The following TRPM7 variants were observed in gnomAD, a reference collection of about 807,000 sequenced individuals.
The protein encoded by TRPM7 is transient receptor potential cation channel subfamily M member 7, also known as LTRPC ion channel family member 7.
In TRPM7, 134 loss-of-function variants were observed where a neutral mutation model predicts 229.7. The ratio of observed to expected loss-of-function variants is 0.58; its 90% confidence interval spans 0.51 to 0.67. The LOEUF (loss-of-function observed/expected upper bound fraction) is 0.67, where lower values mean the gene tolerates loss of function less well. TRPM7 is among the 30% of genes least tolerant of loss of function. The pLI, the probability that TRPM7 is intolerant of heterozygous loss-of-function variation, is 0.00. For synonymous variants in TRPM7, 699 were observed against 715.2 expected, an observed-to-expected ratio of 0.98 and a Z score of 0.36; for missense variants, 1,901 against 2,210.0, an observed-to-expected ratio of 0.86 and a Z score of 2.80.
At chr15:50,612,120 T>C (rs1235732036) in intron 16 of TRPM7, among the ~76,000 whole-genome samples, 1 of 152,224 alleles carries the variant, frequency 6.6e-6, no homozygotes, top group Non-Finnish European at 1.5e-5. Flanking sequence ...AGACAGGGTC[T>C]ATTGCTGTCA....
intron 1 of TRPM7, among the ~76,000 whole-genome samples, chr15:50,667,188 C>G (rs2061905526): frequency 1.3e-5 from 2 of 152,134 alleles, no homozygotes. Context: ...ATGTCTGGAT[C>G]AGAGAAACAT....
intron 3 of TRPM7, among the ~76,000 whole-genome samples, chr15:50,654,594 T>C (rs899173298): frequency 2.0e-5 from 3 of 151,454 alleles, no homozygotes; most frequent in Non-Finnish European, 4.4e-5. Flanking sequence ...CATACAGGAA[T>C]AGACAGTCAT....
chr15:50,672,857 C>T (rs8032201), intron 1 of TRPM7, among the ~76,000 whole-genome samples: 4,004 of 134,650 alleles, frequency 0.03, 211 homozygotes, highest in African/African-American at 0.11. Flanking sequence ...TTGCAGTGAG[C>T]CACTGCACTC....
intron 1 of TRPM7, 22 bp downstream of exon 1, chr15:50,686,509 C>A (rs780586641): frequency 5.0e-6 from 8 of 1,613,778 alleles, no homozygotes; most frequent in African/African-American, 1.3e-5. Flanking sequence ...ATTCCCCGCC[C>A]GGGCCTGCGT....
chr15:50,614,191 T>A lies in TRPM7; in HGVS notation c.1567A>T (p.Thr523Ser). The change falls in exon 14 of 39, where the codon ACC becomes TCC. Residue 523 changes from threonine (T) to serine (S), a missense_variant. Thr to Ser is a moderately conservative substitution (Grantham distance 58). Transcript: ENST00000646667. Reference protein sequence around the residue: ...GLVIEYLMGGTYRCTYTRKRF... With the variant: ...GLVIEYLMGGSYRCTYTRKRF... Reference sequence around the variant, plus strand: ...TTCCTAGTATAGGTGCATCTGTAGGTTCCTCCCATGAGATATTCAATAACA... The same window carrying A: ...TTCCTAGTATAGGTGCATCTGTAGGATCCTCCCATGAGATATTCAATAACA... 1 of 1,612,988 alleles carries A rather than the reference T, an allele frequency of 6.2e-7. No homozygotes were observed. The highest frequency in any genetic ancestry group is 8.5e-7 in the Non-Finnish European group (1 of 1,179,246).
At chr15:50,621,671 A>G (rs1272361627) in intron 12 of TRPM7, among the ~76,000 whole-genome samples, 1 of 152,218 alleles carries the variant, frequency 6.6e-6, no homozygotes, top group Non-Finnish European at 1.5e-5. Flanking sequence ...TTATAAGGCT[A>G]GACTTTAAAG....
intron 1 of TRPM7, among the ~76,000 whole-genome samples, chr15:50,678,075 T>C (rs1166804618): frequency 2.0e-5 from 3 of 150,568 alleles, no homozygotes; most frequent in Admixed American, 6.6e-5. Context: ...ACGTCTCTAC[T>C]AAAAAAATAC....
intron 1 of TRPM7, among the ~76,000 whole-genome samples, chr15:50,669,673 T>C (rs994346341): frequency 1.7e-4 from 26 of 152,170 alleles, no homozygotes; most frequent in African/African-American, 5.8e-4. Context: ...AACTATGGTA[T>C]ACCTGTCAGT....
intron 1 of TRPM7, among the ~76,000 whole-genome samples, chr15:50,664,119 A>G (rs994249378): frequency 2.6e-5 from 4 of 151,934 alleles, no homozygotes; most frequent in Admixed American, 6.6e-5. Flanking sequence ...CCAACATGGT[A>G]AAACCCCGTC....
intron 36 of TRPM7, 41 bp from the exon 37 acceptor site, chr15:50,570,196 T>C (rs572937051): frequency 5.8e-6 from 8 of 1,389,140 alleles, no homozygotes; most frequent in East Asian, 5.0e-5. Flanking sequence ...ATTTATATTA[T>C]ATAATTGACA....
At chr15:50,570,638 T>A (rs528587657) in intron 36 of TRPM7, among the ~76,000 whole-genome samples, 1 of 144,022 alleles carries the variant, frequency 6.9e-6, no homozygotes, top group Non-Finnish European at 1.5e-5. Flanking sequence ...AGGTCAGGAG[T>A]TCGAGACCAG....
chr15:50,657,216 C>T (rs1446734469), intron 3 of TRPM7, among the ~76,000 whole-genome samples: 8 of 152,014 alleles, frequency 5.3e-5, no homozygotes, highest in African/African-American at 1.9e-4. Flanking sequence ...CCCAGCTACT[C>T]GGGAGGCTGA....
At chr15:50,628,460 C>CCA (rs1424922517) in intron 10 of TRPM7, among the ~76,000 whole-genome samples, 2 of 152,104 alleles carry the variant, frequency 1.3e-5, no homozygotes, top group African/African-American at 2.4e-5. Context: ...ATGAGCACCA[C>CCA]CACACCCAGC....
At chr15:50,578,946 C>G (rs2054269715) in intron 30 of TRPM7, among the ~76,000 whole-genome samples, 2 of 151,822 alleles carry the variant, frequency 1.3e-5, no homozygotes, top group Admixed American at 1.3e-4. Context: ...ATTGAAGGCT[C>G]TATACTAATA....
chr15:50,567,178 T>G (rs2053638100), intron 38 of TRPM7, among the ~76,000 whole-genome samples: 1 of 152,060 alleles, frequency 6.6e-6, no homozygotes, highest in East Asian at 1.9e-4. Context: ...ATTTTTAAAA[T>G]TATTTTTTAT....
chr15:50,600,296 G>T (rs1321749336), intron 21 of TRPM7, among the ~76,000 whole-genome samples: 2 of 152,136 alleles, frequency 1.3e-5, no homozygotes, highest in African/African-American at 4.8e-5. Context: ...ACTTAGCCGG[G>T]CGTGGCGGCA....
At chr15:50,668,514 T>A (rs2061930085) in intron 1 of TRPM7, among the ~76,000 whole-genome samples, 1 of 152,162 alleles carries the variant, frequency 6.6e-6, no homozygotes, top group Non-Finnish European at 1.5e-5. Flanking sequence ...GTTTTTGTTT[T>A]TTGTTTTTTG....
In TRPM7 at chr15:50,613,719, G is replaced by C; in HGVS notation, c.1758C>G (p.Pro586=). 1 of 1,598,516 alleles carries C rather than the reference G, an allele frequency of 6.3e-7. No homozygotes were observed. The part of the protein sequence containing the change: ...RHNHFIKTAQ[P]YRPKIDTVME... ...TAAATAAATTTACCTTTGGTCGGTAGGGCTGTGCTGTCTTAATGAAATGGT... is the reference window on the plus strand; with the variant it reads ...TAAATAAATTTACCTTTGGTCGGTACGGCTGTGCTGTCTTAATGAAATGGT... Residue 586 remains proline, a synonymous_variant, in exon 15 of 39, where the codon CCC becomes CCG. Coordinates refer to ENST00000646667, the MANE Select transcript of TRPM7 (RefSeq NM_017672.6).
At chr15:50,627,404 G>GT (rs768567992) in intron 11 of TRPM7, among the ~76,000 whole-genome samples, 3 of 152,108 alleles carry the variant, frequency 2.0e-5, no homozygotes, top group Non-Finnish European at 2.9e-5. Flanking sequence ...GCCCACGTGG[G>GT]TATGTAGGGA....
Sources: gnomAD v4.1 joint callset for allele counts (sites outside exome capture counted in the v4.1 genomes callset) on GRCh38, gnomAD v4.1.1 for gene constraint, MANE v1.5 for transcripts, NCBI Gene and HGNC (gene_info 2026-07-23, HGNC 2026-07-21) for gene names.